LTBP1: variants seen among roughly 807,000 people sequenced by gnomAD.
The protein encoded by LTBP1 is latent-transforming growth factor beta-binding protein 1.
LTBP1 carries 129 observed loss-of-function variants against 207.6 expected under a neutral mutation model. The ratio of observed to expected loss-of-function variants is 0.62; its 90% CI spans 0.54 to 0.72. The LOEUF is 0.72. LTBP1 is among the 30% of genes least tolerant of loss of function. The pLI, the probability that LTBP1 is intolerant of heterozygous loss-of-function variation, is 0.00. For synonymous variants in LTBP1, 963 were observed against 833.7 expected (o/e 1.16, Z -2.67); for missense variants, 2,281 against 2,217.2 (o/e 1.03, Z -0.58).
At chr2:33,315,391 A>G in intron 24 of LTBP1, 122 bp downstream of exon 24, 1 of 1,239,346 alleles carries the variant, frequency 8.1e-7, no homozygotes, top group East Asian at 2.4e-5. Context: ...CAAAGCATGT[A>G]TGCATCAAAG....
intron 2 of LTBP1, among the ~76,000 whole-genome samples, chr2:32,953,621 A>C (rs1165848305): frequency 6.6e-6 from 1 of 152,126 alleles, no homozygotes; most frequent in Non-Finnish European, 1.5e-5. Context: ...AACCTTCATG[A>C]TGAAGCCCTC....
At chr2:33,355,565 G>T (rs1279109716) in intron 26 of LTBP1, among the ~76,000 whole-genome samples, 3 of 151,982 alleles carry the variant, frequency 2.0e-5, no homozygotes, top group African/African-American at 7.3e-5. Flanking sequence ...ATTCACAGAT[G>T]TGAATCCCAT....
chr2:33,360,564 C>T (rs2094916664), intron 26 of LTBP1, 33 bp from the exon 27 acceptor site: 2 of 1,455,926 alleles, frequency 1.4e-6, no homozygotes, highest in African/African-American at 2.8e-5. Context: ...CTGATGTGTC[C>T]TATTGTCACT....
intron 19 of LTBP1, among the ~76,000 whole-genome samples, chr2:33,290,935 T>G (rs150738774): frequency 1.6e-4 from 25 of 152,376 alleles, no homozygotes; most frequent in African/African-American, 5.8e-4. Flanking sequence ...TTACACCATT[T>G]GCATCCACCA....
intron 26 of LTBP1, among the ~76,000 whole-genome samples, chr2:33,352,224 C>T (rs1425649011): frequency 1.3e-5 from 2 of 151,958 alleles, no homozygotes; most frequent in African/African-American, 2.4e-5. Flanking sequence ...CTCTACCTCC[C>T]GAGTTCAAGT....
At chr2:33,092,194 C>T (rs528359138) in intron 3 of LTBP1, among the ~76,000 whole-genome samples, 23 of 142,414 alleles carry the variant, frequency 1.6e-4, no homozygotes, top group South Asian at 4.7e-4. Flanking sequence ...CACACACACA[C>T]GCGCACACAC....
chr2:32,949,979 T>C (rs1676853855), intron 2 of LTBP1, among the ~76,000 whole-genome samples: 1 of 151,890 alleles, frequency 6.6e-6, no homozygotes, highest in African/African-American at 2.4e-5. Context: ...ATGAACAGTC[T>C]TCTGACTATT....
rs76037755 is a variant in LTBP1 at position 33,120,080 on chromosome 2, T to C, written c.1033+9329T>C. The stretch of plus-strand genomic sequence containing the variant: ...AAGAGGTAGTTGCAGTATGGTTATA[T>C]TAATTCTTCTGACAAGCAAACTTTA... On this transcript the variant is annotated intron_variant, in intron 4 of 33. Transcript: ENST00000404816. Among the ~76,000 whole-genome samples, 1,454 of 152,338 alleles carry C rather than the reference T, an allele frequency of 9.5e-3. 14 individuals carry two copies. Among genetic ancestry groups the C allele is most frequent in the South Asian group, 0.052 (250 of 4,828 alleles).
intron 3 of LTBP1, among the ~76,000 whole-genome samples, chr2:33,035,381 A>G (rs2075873614): frequency 6.6e-6 from 1 of 152,242 alleles, no homozygotes; most frequent in Admixed American, 6.5e-5. Flanking sequence ...ATTAGAGAGG[A>G]AAAACACATT....
chr2:33,078,713 A>G (rs542552427), intron 3 of LTBP1, among the ~76,000 whole-genome samples: 23 of 152,340 alleles, frequency 1.5e-4, no homozygotes, highest in African/African-American at 4.1e-4. Context: ...TGTCTTTAAA[A>G]GTAGAAATTT....
At chr2:33,140,490 T>C (rs972578753) in intron 5 of LTBP1, among the ~76,000 whole-genome samples, 7 of 152,156 alleles carry the variant, frequency 4.6e-5, no homozygotes, top group Non-Finnish European at 8.8e-5. Context: ...GATGTTTCAA[T>C]ACAATAGTAA....
chr2:32,963,221 C>G (rs1438668984), intron 2 of LTBP1, among the ~76,000 whole-genome samples: 1 of 152,078 alleles, frequency 6.6e-6, no homozygotes, highest in Non-Finnish European at 1.5e-5. Context: ...AATTGTTATT[C>G]AGAGACAAGG....
chr2:33,249,593 G>T (rs1296454090), intron 10 of LTBP1, among the ~76,000 whole-genome samples: 2 of 152,078 alleles, frequency 1.3e-5, no homozygotes, highest in Non-Finnish European at 2.9e-5. Flanking sequence ...CTATACTTGG[G>T]TACAGAGCTA....
At chr2:33,175,042 A>C (rs922160263) in intron 5 of LTBP1, among the ~76,000 whole-genome samples, 15 of 152,176 alleles carry the variant, frequency 9.9e-5, no homozygotes, top group African/African-American at 3.6e-4. Context: ...TAGACCTAAA[A>C]CCATAGAAAC....
chr2:33,270,589 C>CAAAAAAAAAAAAA (rs397961095), intron 15 of LTBP1, among the ~76,000 whole-genome samples: 1 of 75,342 alleles, frequency 1.3e-5, no homozygotes, highest in Non-Finnish European at 2.4e-5. Flanking sequence ...GACTCCGTCT[C>CAAAAAAAAAAAAA]AAAAAAAAAA....
intron 23 of LTBP1, among the ~76,000 whole-genome samples, chr2:33,313,919 G>A (rs1353260941): frequency 6.6e-6 from 1 of 152,150 alleles, no homozygotes; most frequent in Admixed American, 6.5e-5. Context: ...ATTGTGAACA[G>A]GTGAAACTTT....
In LTBP1 at chr2:33,077,271, G is replaced by C. The variant is rs184521842; in HGVS notation, c.864-33311G>C. The stretch of plus-strand genomic sequence containing the variant: ...CTGGGATTCCAAGGAATTACTAAGG[G>C]GGATACAAAGCTTTCTCCATTTACT... On this transcript the variant is annotated intron_variant, in intron 3 of 33. Coordinates refer to ENST00000404816, the MANE Select transcript of LTBP1 (RefSeq NM_206943.4). Among the ~76,000 whole-genome samples the C allele has an allele frequency of 2.0e-4, 31 of 152,260 alleles. No individual in the cohort carries two copies. In the East Asian group the frequency reaches 6.0e-3, roughly 29 times the overall value.
chr2:33,024,579 G>C (rs891465512), intron 3 of LTBP1, among the ~76,000 whole-genome samples: 1 of 152,194 alleles, frequency 6.6e-6, no homozygotes, highest in Non-Finnish European at 1.5e-5. Context: ...ACTTGATTTA[G>C]AACCAAATAC....
rs1010826745 is a variant in LTBP1 at position 33,324,736 on chromosome 2, C to G, written c.3730+9467C>G. Among the ~76,000 whole-genome samples the G allele has an allele frequency of 1.9e-4, 23 of 123,706 alleles. 1 individual carries two copies. Among genetic ancestry groups the G allele is most frequent in the Non-Finnish European group, 6.3e-5 (4 of 63,862 alleles). 81.2% of individuals were successfully genotyped at this position (123,706 alleles called of 152,430 possible). On this transcript the variant is annotated intron_variant, in intron 24 of 33. Transcript: ENST00000404816. ...TTTTTTTTTGAGACGGAGTCTCCTT[C>G]TGTCACCCAGGCTGGAGTGCAGTAG...
Sources: gnomAD v4.1 joint callset for allele counts (sites outside exome capture counted in the v4.1 genomes callset) on GRCh38, gnomAD v4.1.1 for gene constraint, MANE v1.5 for transcripts, NCBI Gene and HGNC (gene_info 2026-07-23, HGNC 2026-07-21) for gene names.